NPSR1: variants seen among roughly 807,000 people sequenced by gnomAD.
The protein encoded by NPSR1 is neuropeptide S receptor.
NPSR1 carries 48 observed loss-of-function variants against 46.9 expected under a neutral mutation model. That is an observed-to-expected ratio of 1.02 (90% CI 0.81 to 1.30). The LOEUF is 1.30. NPSR1 is among the 50% of genes most tolerant of loss of function. NPSR1 has a pLI of 0.00. For missense variants in NPSR1, 450 were observed against 449.5 expected, an observed-to-expected ratio of 1.00 and a Z score of -0.01; for synonymous variants, 176 against 168.1, an observed-to-expected ratio of 1.05 and a Z score of -0.36.
chr7:34,847,749 T>C (rs1191927501), intron 7 of NPSR1, among the ~76,000 whole-genome samples: 1 of 152,166 alleles, frequency 6.6e-6, no homozygotes, highest in Non-Finnish European at 1.5e-5. Context: ...CCAGATCAAA[T>C]GTTACTCTCC....
At chr7:34,685,211 T>G (rs1425753478) in intron 2 of NPSR1, among the ~76,000 whole-genome samples, 2 of 152,178 alleles carry the variant, frequency 1.3e-5, no homozygotes, top group Non-Finnish European at 2.9e-5. Flanking sequence ...GTGTAGACTT[T>G]GGAAATGACC....
chr7:34,673,434 T>C (rs1792158919), intron 1 of NPSR1, among the ~76,000 whole-genome samples: 1 of 152,178 alleles, frequency 6.6e-6, no homozygotes, highest in Admixed American at 6.5e-5. Context: ...TACACCAACA[T>C]GTAAGCCAAG....
intron 2 of NPSR1, among the ~76,000 whole-genome samples, chr7:34,727,080 T>C (rs114300134): frequency 1.3e-5 from 2 of 152,158 alleles, no homozygotes; most frequent in African/African-American, 4.8e-5. Context: ...TGGTATGGGA[T>C]ATTGAGAGCA....
intron 2 of NPSR1, chr7:34,750,712 G>C (rs1470321994): frequency 1.4e-6 from 1 of 698,506 alleles, no homozygotes; most frequent in Admixed American, 1.8e-5. Context: ...CTCCAAAACA[G>C]TCAAAATTGC....
At chr7:34,852,913 T>C (rs1478675540), downstream of NPSR1, among the ~76,000 whole-genome samples, 3 of 152,252 alleles carry the variant, frequency 2.0e-5, no homozygotes, top group East Asian at 3.8e-4. Context: ...TAAGTGACTC[T>C]ACTTTACTGA....
At chr7:34,713,477 TATA>T (rs35256561) in intron 2 of NPSR1, among the ~76,000 whole-genome samples, 2,096 of 151,884 alleles carry the variant, frequency 0.014, 22 homozygotes, top group Non-Finnish European at 0.02. Context: ...TAAATAATAA[TATA>T]ATATTATGCA....
chr7:34,873,307 C>T (rs536552280), intron 8 of NPSR1, among the ~76,000 whole-genome samples: 31 of 151,910 alleles, frequency 2.0e-4, no homozygotes, highest in Non-Finnish European at 4.0e-4. Context: ...TTACCCAGTT[C>T]CAATGCTGGA....
At chr7:34,752,712 C>CT (rs71551071) in intron 2 of NPSR1, among the ~76,000 whole-genome samples, 6 of 152,156 alleles carry the variant, frequency 3.9e-5, no homozygotes, top group Non-Finnish European at 7.3e-5. Flanking sequence ...GTTGGAAAGA[C>CT]TAGTAAACTC....
intron 4 of NPSR1, among the ~76,000 whole-genome samples, chr7:34,812,237 T>C (rs1349840557): frequency 6.6e-6 from 1 of 152,080 alleles, no homozygotes; most frequent in Non-Finnish European, 1.5e-5. Context: ...CACACTAACT[T>C]CTCATTTTCC....
intron 2 of NPSR1, among the ~76,000 whole-genome samples, chr7:34,690,595 A>C (rs527310783): frequency 6.6e-6 from 1 of 152,316 alleles, no homozygotes; most frequent in African/African-American, 2.4e-5. Flanking sequence ...TAAAAGTGAA[A>C]GCTTCAACAA....
chr7:34,845,405 C>A (rs1037913359), intron 7 of NPSR1, among the ~76,000 whole-genome samples: 1 of 152,112 alleles, frequency 6.6e-6, no homozygotes, highest in African/African-American at 2.4e-5. Context: ...CCCCTTATGG[C>A]ACCTTACCTG....
intron 4 of NPSR1, among the ~76,000 whole-genome samples, chr7:34,815,386 G>A (rs1233654789): frequency 6.6e-6 from 1 of 152,146 alleles, no homozygotes. Context: ...AGATTAAAAA[G>A]AAACAAACAA....
At chr7:34,699,590 GCAGATGT>G (rs1253102643) in intron 2 of NPSR1, among the ~76,000 whole-genome samples, 1 of 152,074 alleles carries the variant, frequency 6.6e-6, no homozygotes, top group East Asian at 1.9e-4. Context: ...TTCCTGGGTT[GCAGATGT>G]CACCGTCTCA....
chr7:34,813,690 A>G (rs769412728), intron 4 of NPSR1, among the ~76,000 whole-genome samples: 8 of 152,244 alleles, frequency 5.3e-5, no homozygotes, highest in Non-Finnish European at 1.0e-4. Flanking sequence ...CAGGAAAAAT[A>G]AAAAACTATT....
intron 1 of NPSR1, among the ~76,000 whole-genome samples, chr7:34,682,170 G>A (rs532313620): frequency 7.5e-4 from 115 of 152,324 alleles, no homozygotes; most frequent in African/African-American, 2.6e-3. Flanking sequence ...GACTCAGAAT[G>A]TTAACAAGGA....
chr7:34,713,094 T>C (rs17197589), intron 2 of NPSR1, among the ~76,000 whole-genome samples: 2,244 of 152,282 alleles, frequency 0.015, 32 homozygotes, highest in Non-Finnish European at 0.024. Flanking sequence ...CGCCCTTCTG[T>C]GATTGTTAAG....
intron 4 of NPSR1, among the ~76,000 whole-genome samples, chr7:34,815,670 G>A (rs1008257924): frequency 5.3e-5 from 8 of 152,144 alleles, no homozygotes; most frequent in Non-Finnish European, 8.8e-5. Context: ...CAGAGAGAAA[G>A]GTCAGGTTAC....
At chr7:34,731,722 A>G (rs1279071055) in intron 2 of NPSR1, among the ~76,000 whole-genome samples, 2 of 152,160 alleles carry the variant, frequency 1.3e-5, no homozygotes, top group Non-Finnish European at 2.9e-5. Flanking sequence ...ACTACTTTAG[A>G]TGAGGGCCAG....
intron 3 of NPSR1, among the ~76,000 whole-genome samples, chr7:34,783,066 G>T (rs964952388): frequency 6.6e-6 from 1 of 151,802 alleles, no homozygotes; most frequent in Non-Finnish European, 1.5e-5. Context: ...CAGGTTATTT[G>T]AAAATATACA....
Sources: allele counts gnomAD v4.1 joint callset (sites outside exome capture counted in the v4.1 genomes callset), GRCh38; gene constraint gnomAD v4.1.1; transcripts MANE v1.5; gene names NCBI Gene and HGNC (gene_info 2026-07-23, HGNC 2026-07-21).